Variants in ASAP1 observed in about 807,000 individuals in gnomAD.
ASAP1 encodes arf-GAP with SH3 domain, ANK repeat and PH domain-containing protein 1.
A neutral mutation model predicts 145.2 loss-of-function variants in ASAP1; 43 were observed. That is an observed-to-expected ratio of 0.30 (90% confidence interval 0.23 to 0.38). The LOEUF (loss-of-function observed/expected upper bound fraction) is 0.38. Ranked by LOEUF, ASAP1 falls within the 10% of genes least tolerant of loss-of-function variation. The pLI is 1.00. For synonymous variants in ASAP1, 546 were observed against 515.5 expected (o/e 1.06, Z -0.80); for missense variants, 1,018 against 1,355.3 (o/e 0.75, Z 3.91).
intron 3 of ASAP1, among the ~76,000 whole-genome samples, chr8:130,257,126 T>C (rs982641667): frequency 6.6e-6 from 1 of 152,080 alleles, no homozygotes; most frequent in Non-Finnish European, 1.5e-5. Flanking sequence ...ATTTAGAGGG[T>C]ATGTCTTTGG....
intron 2 of ASAP1, 56 bp downstream of exon 2, chr8:130,401,829 C>G: frequency 6.5e-7 from 1 of 1,537,056 alleles, no homozygotes; most frequent in Non-Finnish European, 8.9e-7. Flanking sequence ...CAAGAAGAAT[C>G]CCGCTGTATC....
At chr8:130,291,789 C>A (rs1821960201) in intron 3 of ASAP1, among the ~76,000 whole-genome samples, 1 of 152,168 alleles carries the variant, frequency 6.6e-6, no homozygotes, top group Admixed American at 6.5e-5. Flanking sequence ...CATTAGATCC[C>A]AAGATGCCAT....
intron 9 of ASAP1, 127 bp from the exon 10 acceptor site, chr8:130,169,194 A>G (rs1586500728): frequency 1.9e-6 from 1 of 531,514 alleles, no homozygotes; most frequent in East Asian, 3.0e-5. Context: ...ATCTGTATAT[A>G]TATACTCATT....
chr8:130,331,299 T>C (rs1159755312), intron 3 of ASAP1, among the ~76,000 whole-genome samples: 1 of 152,178 alleles, frequency 6.6e-6, no homozygotes, highest in Non-Finnish European at 1.5e-5. Context: ...GATCCATCCT[T>C]CTGAACCATG....
chr8:130,372,803 G>T (rs186590568), intron 2 of ASAP1, among the ~76,000 whole-genome samples: 1 of 152,224 alleles, frequency 6.6e-6, no homozygotes, highest in Admixed American at 6.5e-5. Context: ...AGATTGAAAT[G>T]TATTACAGTC....
intron 3 of ASAP1, among the ~76,000 whole-genome samples, chr8:130,254,153 G>A (rs1007055326): frequency 1.3e-5 from 2 of 152,206 alleles, no homozygotes; most frequent in Admixed American, 6.5e-5. Context: ...AAAATGCAGC[G>A]CAGGAGCTAT....
intron 9 of ASAP1, among the ~76,000 whole-genome samples, chr8:130,173,844 G>A (rs1354268523): frequency 6.6e-6 from 1 of 150,640 alleles, no homozygotes; most frequent in Non-Finnish European, 1.5e-5. Context: ...AGGCCGAGAT[G>A]GGTAGATTGC....
chr8:130,130,282 T>A (rs1203896751), intron 15 of ASAP1, among the ~76,000 whole-genome samples: 1 of 152,204 alleles, frequency 6.6e-6, no homozygotes, highest in Non-Finnish European at 1.5e-5. Context: ...ATGACTTGCC[T>A]AAGGTTCTAG....
intron 12 of ASAP1, among the ~76,000 whole-genome samples, chr8:130,156,599 A>G (rs1001427266): frequency 2.0e-5 from 3 of 152,368 alleles, no homozygotes; most frequent in African/African-American, 7.2e-5. Flanking sequence ...GTGCCAGTTT[A>G]TGCCTTGCAT....
intron 3 of ASAP1, among the ~76,000 whole-genome samples, chr8:130,282,037 C>A (rs1488800781): frequency 6.6e-6 from 1 of 150,790 alleles, no homozygotes. Context: ...CGATTACACT[C>A]CAGTCCAGGC....
At chr8:130,199,071 A>T (rs1474843072) in intron 5 of ASAP1, among the ~76,000 whole-genome samples, 1 of 152,190 alleles carries the variant, frequency 6.6e-6, no homozygotes, top group Non-Finnish European at 1.5e-5. Context: ...GGCCTTGACC[A>T]TTCTAAATAA....
intron 13 of ASAP1, among the ~76,000 whole-genome samples, chr8:130,146,810 C>T (rs896028996): frequency 1.3e-5 from 2 of 152,066 alleles, no homozygotes; most frequent in African/African-American, 4.8e-5. Context: ...TAGTGAAATG[C>T]CATGGAAGGT....
At chr8:130,363,013 G>GC (rs1403303112) in intron 2 of ASAP1, among the ~76,000 whole-genome samples, 4 of 152,142 alleles carry the variant, frequency 2.6e-5, no homozygotes, top group African/African-American at 9.7e-5. Flanking sequence ...TCCCGTCTCT[G>GC]CCATGAAGAA....
intron 27 of ASAP1, among the ~76,000 whole-genome samples, chr8:130,069,143 G>C (rs975038177): frequency 2.6e-5 from 4 of 152,262 alleles, no homozygotes; most frequent in African/African-American, 7.2e-5. Context: ...AAAAAGAAAG[G>C]GGAGAGTCAT....
At chr8:130,221,597 A>G (rs956407954) in intron 4 of ASAP1, among the ~76,000 whole-genome samples, 4 of 152,186 alleles carry the variant, frequency 2.6e-5, no homozygotes, top group Admixed American at 1.3e-4. Flanking sequence ...AAAATGGTAT[A>G]TAAGCTCCTA....
chr8:130,188,532 G>A (rs373781366), intron 5 of ASAP1, among the ~76,000 whole-genome samples: 11 of 152,072 alleles, frequency 7.2e-5, no homozygotes, highest in Admixed American at 2.0e-4. Context: ...TCAGGAGTTC[G>A]AGACCAGCCT....
intron 3 of ASAP1, among the ~76,000 whole-genome samples, chr8:130,306,462 C>T (rs188314051): frequency 5.3e-4 from 80 of 152,222 alleles, no homozygotes; most frequent in African/African-American, 1.9e-3. Flanking sequence ...AAAATCAATT[C>T]AAAGGCAAAG....
intron 24 of ASAP1, among the ~76,000 whole-genome samples, chr8:130,095,687 C>T (rs542832626): frequency 1.3e-4 from 19 of 150,100 alleles, no homozygotes; most frequent in Non-Finnish European, 2.5e-4. Context: ...GGTGTAATCT[C>T]GGCTCACTGC....
In ASAP1 at chr8:130,214,538, A is replaced by T; in HGVS notation, c.405+18T>A. Reference sequence around the variant, plus strand: ...GGAAAGGCTGTAATTCTTTTTACTCACATATGAAATGTCTTACCAGATTTT... The same window carrying T: ...GGAAAGGCTGTAATTCTTTTTACTCTCATATGAAATGTCTTACCAGATTTT... On this transcript the variant is annotated intron_variant, in intron 5 of 29. Coordinates refer to ENST00000518721, the MANE Select transcript of ASAP1 (RefSeq NM_018482.4). 1 of 1,573,566 alleles carries T rather than the reference A, an allele frequency of 6.4e-7. No individual in the cohort carries two copies. Among genetic ancestry groups the T allele is most frequent in the South Asian group, 1.2e-5 (1 of 84,884 alleles).
Sources: gnomAD v4.1 joint callset for allele counts (sites outside exome capture counted in the v4.1 genomes callset) on GRCh38, gnomAD v4.1.1 for gene constraint, MANE v1.5 for transcripts, NCBI Gene and HGNC (gene_info 2026-07-23, HGNC 2026-07-21) for gene names.